CSMD1: variants seen among roughly 807,000 people sequenced by gnomAD.
CSMD1 encodes CUB and sushi domain-containing protein 1.
In CSMD1, 213 loss-of-function variants were observed where a neutral mutation model predicts 417.5. That is an observed-to-expected ratio of 0.51 (90% CI 0.46 to 0.57). The LOEUF is 0.57. Ranked by LOEUF, CSMD1 falls within the 20% of genes least tolerant of loss-of-function variation. The pLI, the probability that CSMD1 is intolerant of heterozygous loss-of-function variation, is 0.00. For missense variants in CSMD1, 6,923 were observed against 4,529.7 expected (o/e 1.53, Z -15.17); for synonymous variants, 2,862 against 1,736.8 (o/e 1.65, Z -16.11).
intron 26 of CSMD1, among the ~76,000 whole-genome samples, chr8:3,283,612 C>A (rs1011649277): frequency 2.6e-5 from 4 of 152,156 alleles, no homozygotes; most frequent in Admixed American, 2.0e-4. Flanking sequence ...CTACTTGCCC[C>A]TTCTGCCCTG....
chr8:3,912,607 G>C (rs1490091949), intron 5 of CSMD1, among the ~76,000 whole-genome samples: 1 of 152,140 alleles, frequency 6.6e-6, no homozygotes, highest in South Asian at 2.1e-4. Context: ...GAGAGAGAAG[G>C]AGCTAAGGTG....
chr8:2,966,068 G>C, intron 58 of CSMD1, 114 bp from the exon 59 acceptor site: 1 of 905,124 alleles, frequency 1.1e-6, no homozygotes, highest in Non-Finnish European at 1.7e-6. Flanking sequence ...TGGTTAAGCA[G>C]TGAATTAATA....
rs979213666 is a variant in CSMD1, at chr8:3,460,284, G to C, written c.1561+8428C>G. ...CTTGTTGGGGAGATACGTGTGCAAA[G>C]GTAAAAGAGAGGAAAAAAGGAAGAT... is the stretch of plus-strand genomic sequence containing the variant. On this transcript the variant is annotated intron_variant, in intron 12 of 69. Coordinates refer to ENST00000635120, the MANE Select transcript of CSMD1 (RefSeq NM_033225.6). Among the ~76,000 whole-genome samples the C allele has an allele frequency of 2.6e-5, 4 of 152,024 alleles. No individual in the cohort carries two copies. The Middle Eastern group carries it at 9.5e-3, about 361-fold the overall frequency.
At chr8:4,610,817 T>C (rs1014491035) in intron 2 of CSMD1, among the ~76,000 whole-genome samples, 4 of 152,212 alleles carry the variant, frequency 2.6e-5, no homozygotes, top group African/African-American at 7.2e-5. Context: ...ATGGCATGCA[T>C]GCCTGTGAGT....
At chr8:4,240,211 C>G (rs1029982348) in intron 3 of CSMD1, among the ~76,000 whole-genome samples, 1 of 152,204 alleles carries the variant, frequency 6.6e-6, no homozygotes. Flanking sequence ...TTTTGACAAC[C>G]GGCTGCAGAG....
At chr8:3,894,597 G>T (rs979222785) in intron 5 of CSMD1, among the ~76,000 whole-genome samples, 1 of 151,998 alleles carries the variant, frequency 6.6e-6, no homozygotes, top group Non-Finnish European at 1.5e-5. Context: ...GTCTGTATGG[G>T]GCTATTTACA....
At chr8:3,125,780 C>T (rs978358794) in intron 41 of CSMD1, among the ~76,000 whole-genome samples, 3 of 152,142 alleles carry the variant, frequency 2.0e-5, no homozygotes, top group Non-Finnish European at 4.4e-5. Context: ...AGTTTGAAAC[C>T]AGCCTGGCCA....
chr8:3,294,504 T>G (rs1236469393), intron 25 of CSMD1, among the ~76,000 whole-genome samples: 1 of 152,122 alleles, frequency 6.6e-6, no homozygotes, highest in Non-Finnish European at 1.5e-5. Flanking sequence ...TTTTTAGTCA[T>G]TCAAGCCTTG....
At chr8:3,761,971 G>A (rs187667363) in intron 5 of CSMD1, among the ~76,000 whole-genome samples, 1 of 152,080 alleles carries the variant, frequency 6.6e-6, no homozygotes, top group Non-Finnish European at 1.5e-5. Flanking sequence ...GTGGCCATAA[G>A]CATCCCTCTT....
chr8:3,642,686 G>C (rs1797366885), intron 7 of CSMD1, among the ~76,000 whole-genome samples: 1 of 152,038 alleles, frequency 6.6e-6, no homozygotes, highest in Non-Finnish European at 1.5e-5. Context: ...ATAGGAAAGA[G>C]GATACAAAAG....
rs926251528 is a variant in CSMD1, at chr8:3,685,672, G to A, written c.1009+22742C>T. 2.0e-5 allele frequency among the ~76,000 whole-genome samples: 3 copies of A among 152,254 alleles called. No homozygotes were observed. In the East Asian group the frequency reaches 5.8e-4, roughly 29 times the overall value. ...GGCCTGGGGGTGCTTTTCTGAGGAAGGAAGTCAAAGAAAATCAATGCAATT... is the reference window on the plus strand; with the variant it reads ...GGCCTGGGGGTGCTTTTCTGAGGAAAGAAGTCAAAGAAAATCAATGCAATT... On this transcript the variant is annotated intron_variant, in intron 7 of 69. Transcript: ENST00000635120.
intron 3 of CSMD1, among the ~76,000 whole-genome samples, chr8:4,386,091 G>T (rs1163738075): frequency 6.6e-6 from 1 of 151,912 alleles, no homozygotes; most frequent in Non-Finnish European, 1.5e-5. Context: ...CTCTTCTCTC[G>T]CTGTACCCAG....
intron 1 of CSMD1, among the ~76,000 whole-genome samples, chr8:4,915,126 G>A (rs1298125243): frequency 6.6e-6 from 1 of 152,104 alleles, no homozygotes; most frequent in Non-Finnish European, 1.5e-5. Context: ...AACTGTGGTT[G>A]CCGAACGAAG....
intron 7 of CSMD1, among the ~76,000 whole-genome samples, chr8:3,645,530 G>C (rs941270756): frequency 3.3e-5 from 5 of 152,200 alleles, no homozygotes; most frequent in African/African-American, 9.7e-5. Flanking sequence ...TGTGTGGTCA[G>C]AGGTGAAGCT....
At chr8:3,928,363 T>A (rs1446975404) in intron 5 of CSMD1, among the ~76,000 whole-genome samples, 1 of 143,826 alleles carries the variant, frequency 7.0e-6, no homozygotes, top group Non-Finnish European at 1.6e-5. Context: ...TATTGCCCTT[T>A]TTAAAGTGCA....
intron 1 of CSMD1, among the ~76,000 whole-genome samples, chr8:4,729,100 C>G (rs1222801437): frequency 1.3e-5 from 2 of 152,036 alleles, no homozygotes; most frequent in Non-Finnish European, 2.9e-5. Context: ...TAAATTATTT[C>G]CATATCTGAA....
chr8:4,971,823 G>A lies in CSMD1; in HGVS notation c.85+22509C>T, dbSNP rs147679464. ...GTAGAAATATAGAATTTAAAGATAAGTTGATTTGTCTCATTAATTTTAATT... is the reference window on the plus strand; with the variant it reads ...GTAGAAATATAGAATTTAAAGATAAATTGATTTGTCTCATTAATTTTAATT... On this transcript the variant is annotated intron_variant, in intron 1 of 69. Transcript: ENST00000635120. Among the ~76,000 whole-genome samples the A allele has an allele frequency of 1.3e-3, 197 of 151,948 alleles. 4 individuals are homozygous for A. The East Asian group carries it at 0.022, about 17-fold the overall frequency.
chr8:4,619,425 A>C (rs1005614949), intron 2 of CSMD1, among the ~76,000 whole-genome samples: 1 of 152,154 alleles, frequency 6.6e-6, no homozygotes, highest in Non-Finnish European at 1.5e-5. Flanking sequence ...TAGTCCTTCA[A>C]CTAGCGGTCG....
chr8:3,861,152 C>G (rs929460286), intron 5 of CSMD1, among the ~76,000 whole-genome samples: 13 of 152,130 alleles, frequency 8.5e-5, no homozygotes, highest in Non-Finnish European at 7.3e-5. Flanking sequence ...CTTTAACACA[C>G]TGTCCTTGGT....
Sources: gnomAD v4.1 joint callset for allele counts (sites outside exome capture counted in the v4.1 genomes callset) on GRCh38, gnomAD v4.1.1 for gene constraint, MANE v1.5 for transcripts, NCBI Gene and HGNC (gene_info 2026-07-23, HGNC 2026-07-21) for gene names.